DST: variants seen among roughly 807,000 people sequenced by gnomAD.
DST encodes the protein dystonin, also known as bullous pemphigoid antigen.
A neutral mutation model predicts 875.2 loss-of-function variants in DST; 253 were observed. The observed-to-expected ratio is 0.29, with a 90% CI of 0.26 to 0.32. DST has a LOEUF of 0.32. Among genes scored for constraint, DST ranks in the 10% least tolerant of loss-of-function variants. The pLI, the probability that DST is intolerant of heterozygous loss-of-function variation, is 1.00. For synonymous variants in DST, 3,124 were observed against 3,197.1 expected (o/e 0.98, Z 0.77); for missense variants, 8,287 against 9,111.6 (o/e 0.91, Z 3.68).
At chr6:56,553,804 T>A in intron 60 of DST, 149 bp from the exon 61 acceptor site, 1 of 717,470 alleles carries the variant, frequency 1.4e-6, no homozygotes, top group Non-Finnish European at 2.2e-6. Context: ...CAAGTGAACT[T>A]AAGTTATTGA....
chr6:56,580,843 C>G (rs1181302652), intron 49 of DST, among the ~76,000 whole-genome samples: 1 of 149,552 alleles, frequency 6.7e-6, no homozygotes, highest in Non-Finnish European at 1.5e-5. Context: ...GGTGATCCTC[C>G]CACCTGAGCC....
At chr6:56,515,739 C>T in intron 71 of DST, 71 bp from the exon 72 acceptor site, 1 of 1,188,254 alleles carries the variant, frequency 8.4e-7, no homozygotes, top group Non-Finnish European at 1.2e-6. Flanking sequence ...GTGCTCTGTC[C>T]AGCACAGTAC....
chr6:56,563,476 G>A (rs149077169), intron 55 of DST, among the ~76,000 whole-genome samples: 41 of 152,054 alleles, frequency 2.7e-4, no homozygotes, highest in African/African-American at 9.6e-4. Context: ...TGTAGATTCT[G>A]GTATCAGCCA....
At chr6:56,861,307 T>C (rs186531655) in intron 3 of DST, among the ~76,000 whole-genome samples, 1 of 152,308 alleles carries the variant, frequency 6.6e-6, no homozygotes, top group African/African-American at 2.4e-5. Flanking sequence ...TCCATGTACA[T>C]TCAGTGAAAA....
chr6:56,918,266 A>G (rs1380626217), intron 2 of DST, among the ~76,000 whole-genome samples: 2 of 152,022 alleles, frequency 1.3e-5, no homozygotes, highest in Admixed American at 6.6e-5. Flanking sequence ...AGTTAGGATA[A>G]CAGGCACGTG....
chr6:56,633,981 G>A (rs2098805689), intron 27 of DST, 151 bp downstream of exon 27: 1 of 903,192 alleles, frequency 1.1e-6, no homozygotes, highest in South Asian at 1.5e-5. Flanking sequence ...ATATGCTATG[G>A]GCATATAACA....
At chr6:56,609,410 C>G in intron 39 of DST, 66 bp from the exon 40 acceptor site, 1 of 1,173,436 alleles carries the variant, frequency 8.5e-7, no homozygotes, top group Non-Finnish European at 1.2e-6. Context: ...TTTCATGCAA[C>G]TTAGGTTTTT....
chr6:56,722,675 C>T (rs957886896), intron 5 of DST, among the ~76,000 whole-genome samples: 2 of 152,182 alleles, frequency 1.3e-5, no homozygotes, highest in African/African-American at 4.8e-5. Flanking sequence ...AGCCACCGCG[C>T]CCAGCCTAAA....
At chr6:56,728,917 G>A (rs935206846) in intron 5 of DST, among the ~76,000 whole-genome samples, 1 of 151,444 alleles carries the variant, frequency 6.6e-6, no homozygotes, top group Admixed American at 6.6e-5. Flanking sequence ...GAAGTATTTA[G>A]AGGTAAAGGA....
At chr6:56,869,701 A>T (rs1334333003) in intron 3 of DST, among the ~76,000 whole-genome samples, 1 of 151,950 alleles carries the variant, frequency 6.6e-6, no homozygotes, top group Non-Finnish European at 1.5e-5. Flanking sequence ...TTTTATTTTT[A>T]TTTATTTTTT....
rs76402211 is a variant in DST, at chr6:56,906,481, C to G, written c.217-5860G>C. ...TTCCCTTCTCTGCCAGCCACGTGTA[C>G]AGTAAGAAGAAGACAAAATGGTGCT... On this transcript the variant is annotated intron_variant, in intron 2 of 103. Coordinates refer to ENST00000680361, the MANE Select transcript of DST (RefSeq NM_001374736.1). Among the ~76,000 whole-genome samples, 1,410 of 152,128 alleles carry G rather than the reference C, an allele frequency of 9.3e-3. 17 individuals are homozygous for G. The highest frequency in any genetic ancestry group is 0.016 in the Non-Finnish European group (1,085 of 68,004).
At chr6:56,837,345 G>A (rs530716159) in intron 4 of DST, among the ~76,000 whole-genome samples, 1 of 152,264 alleles carries the variant, frequency 6.6e-6, no homozygotes, top group African/African-American at 2.4e-5. Flanking sequence ...CCCGCCTCCT[G>A]TCCCCACATG....
At chr6:56,511,429 T>G in intron 72 of DST, 29 bp from the exon 73 acceptor site, 5 of 1,561,070 alleles carry the variant, frequency 3.2e-6, no homozygotes, top group Non-Finnish European at 4.3e-6. Flanking sequence ...CTTTTCAGTA[T>G]CTCAGGGTCA....
chr6:56,826,255 A>G (rs920872837), intron 4 of DST, among the ~76,000 whole-genome samples: 1 of 152,228 alleles, frequency 6.6e-6, no homozygotes, highest in Non-Finnish European at 1.5e-5. Context: ...TTATGAAAGT[A>G]CCAGATGGTC....
At chr6:56,638,739 TC>T (rs1249143479) in intron 22 of DST, among the ~76,000 whole-genome samples, 1 of 152,176 alleles carries the variant, frequency 6.6e-6, no homozygotes, top group Non-Finnish European at 1.5e-5. Context: ...CAGGATGCTG[TC>T]CCAATACACC....
chr6:56,609,522 A>G (rs1057509047), intron 39 of DST, among the ~76,000 whole-genome samples, 178 bp from the exon 40 acceptor site: 1 of 152,240 alleles, frequency 6.6e-6, no homozygotes, highest in Non-Finnish European at 1.5e-5. Context: ...GATCTATGTC[A>G]GTGATCTATT....
In DST at chr6:56,535,229, G is replaced by C. The variant is rs369635354; in HGVS notation, c.16834C>G (p.Leu5612Val). The change falls in exon 63 of 104, where the codon CTG (leucine) becomes GTG (valine). Residue 5612 changes from leucine (L) to valine (V), a missense_variant. Transcript: ENST00000680361. ...LLHCGRFQDA[L>V]ESLLSWMVDT... is the part of the protein sequence containing the mutation. ...ACCATCCAGCTGAGCAGGGACTCCA[G>C]GGCATCCTGGAACCTCCCACAGTGC... The C allele has an allele frequency of 6.2e-7, 1 of 1,612,976 alleles. No homozygotes were observed. Among genetic ancestry groups the C allele is most frequent in the African/African-American group, 1.3e-5 (1 of 74,888 alleles).
At chr6:56,508,297 G>A (rs2096389050) in intron 75 of DST, among the ~76,000 whole-genome samples, 1 of 152,118 alleles carries the variant, frequency 6.6e-6, no homozygotes, top group Admixed American at 6.5e-5. Context: ...GCCTCCCAAA[G>A]TTCTGGGAAT....
intron 4 of DST, among the ~76,000 whole-genome samples, chr6:56,827,169 A>G (rs1011116931): frequency 2.6e-5 from 4 of 152,222 alleles, no homozygotes; most frequent in Non-Finnish European, 5.9e-5. Context: ...ATGCTGTTTA[A>G]GTAAAGGTTA....
Sources: gnomAD v4.1 joint callset for allele counts (sites outside exome capture counted in the v4.1 genomes callset) on GRCh38, gnomAD v4.1.1 for gene constraint, MANE v1.5 for transcripts, NCBI Gene and HGNC (gene_info 2026-07-23, HGNC 2026-07-21) for gene names.